TAAR1: variants seen among roughly 807,000 people sequenced by gnomAD.
TAAR1 encodes trace amine associated receptor 1.
A neutral mutation model predicts 1.2 loss-of-function variants in TAAR1; 1 was observed. The ratio of observed to expected loss-of-function variants is 0.81; its 90% CI spans 0.29 to 3.86. The LOEUF is 3.86. Ranked by LOEUF, TAAR1 falls within the 30% of genes most tolerant of loss-of-function variation. The pLI, the probability that TAAR1 is intolerant of heterozygous loss-of-function variation, is 0.18. For synonymous variants in TAAR1, 153 were observed against 132.2 expected, an observed-to-expected ratio of 1.16 and a Z score of -1.08; for missense variants, 445 against 405.6, an observed-to-expected ratio of 1.10 and a Z score of -0.83.
chr6:132,653,513 G>A (rs12665182), intron 1 of TAAR1, among the ~76,000 whole-genome samples: 3,376 of 152,246 alleles, frequency 0.022, 95 homozygotes, highest in East Asian at 0.11. Flanking sequence ...TCTTCTGTCT[G>A]GTAATTTTGC....
At chr6:132,650,786 A>G (rs538679622) in intron 1 of TAAR1, among the ~76,000 whole-genome samples, 1 of 152,256 alleles carries the variant, frequency 6.6e-6, no homozygotes, top group East Asian at 1.9e-4. Context: ...ATTCCAAGAT[A>G]TACCCTCCAA....
intron 1 of TAAR1, among the ~76,000 whole-genome samples, chr6:132,646,470 G>T (rs1777674262): frequency 6.6e-6 from 1 of 152,082 alleles, no homozygotes; most frequent in Non-Finnish European, 1.5e-5. Context: ...ATTGTAAAGG[G>T]TAGAAAGAAA....
chr6:132,650,789 C>T (rs1343639049), intron 1 of TAAR1, among the ~76,000 whole-genome samples: 2 of 152,146 alleles, frequency 1.3e-5, no homozygotes, highest in Admixed American at 1.3e-4. Context: ...CCAAGATATA[C>T]CCTCCAACTC....
chr6:132,654,074 A>G (rs1168247960), intron 1 of TAAR1, among the ~76,000 whole-genome samples: 1 of 152,228 alleles, frequency 6.6e-6, no homozygotes, highest in Non-Finnish European at 1.5e-5. Flanking sequence ...CTCTCTCTCT[A>G]CACCTGGGAT....
At chr6:132,648,774 T>C (rs1247217779) in intron 1 of TAAR1, among the ~76,000 whole-genome samples, 1 of 151,972 alleles carries the variant, frequency 6.6e-6, no homozygotes, top group East Asian at 1.9e-4. Context: ...TTGTTTCTTT[T>C]CTTTCAGCTT....
At chr6:132,658,048 T>G (rs944464160) in intron 1 of TAAR1, among the ~76,000 whole-genome samples, 1 of 152,170 alleles carries the variant, frequency 6.6e-6, no homozygotes, top group Non-Finnish European at 1.5e-5. Flanking sequence ...ATACTTTTAC[T>G]AAATTACTGA....
Position 132,644,629 on chromosome 6 carries a change from T to A in TAAR1, c.*355A>T, listed in dbSNP as rs971778335. Reference sequence around the variant, plus strand: ...ATGTATACGTATATGACAAAATCATTCTGATTTGCATCCTCAAATTCAGCC... The same window carrying A: ...ATGTATACGTATATGACAAAATCATACTGATTTGCATCCTCAAATTCAGCC... On this transcript the variant is annotated 3_prime_UTR_variant, in exon 2 of 2. Transcript: ENST00000275216. 2.5e-4 allele frequency among the ~76,000 whole-genome samples: 38 copies of A among 152,056 alleles called. No homozygotes were observed. Among genetic ancestry groups the A allele is most frequent in the African/African-American group, 8.9e-4 (37 of 41,418 alleles).
At chr6:132,654,279 G>C (rs1261971151) in intron 1 of TAAR1, among the ~76,000 whole-genome samples, 1 of 152,226 alleles carries the variant, frequency 6.6e-6, no homozygotes, top group African/African-American at 2.4e-5. Context: ...GGATGAGAGT[G>C]CTGTTGGCTG....
At chr6:132,647,362 G>GCGCA (rs1777684725) in intron 1 of TAAR1, among the ~76,000 whole-genome samples, 2 of 140,580 alleles carry the variant, frequency 1.4e-5, no homozygotes, top group African/African-American at 5.4e-5. Flanking sequence ...ACATACGCAT[G>GCGCA]CACACACACA....
Position 132,645,557 on chromosome 6 carries a change from A to G in TAAR1, c.447T>C (p.Ser149=). 1 of 1,613,660 alleles carries G rather than the reference A, an allele frequency of 6.2e-7. No homozygotes were observed. Among genetic ancestry groups the G allele is most frequent in the Non-Finnish European group, 8.5e-7 (1 of 1,179,810 alleles). Residue 149 remains serine (S), a synonymous_variant, in exon 2 of 2, where the codon AGT becomes AGC. Coordinates refer to ENST00000275216, the MANE Select transcript of TAAR1 (RefSeq NM_138327.4). The part of the protein sequence containing the change: ...VICVMIFISW[S]VPAVFAFGMI... The stretch of plus-strand genomic sequence containing the variant: ...TTCCAAATGCAAAAACAGCAGGGAC[A>G]CTCCAACTAATGAAGATCATCACAC...
rs901190441 is a variant in TAAR1 at position 132,644,076 on chromosome 6, C to A, written c.*908G>T. Among the ~76,000 whole-genome samples, 2 of 151,884 alleles carry A rather than the reference C, an allele frequency of 1.3e-5. No individual in the cohort carries two copies. The highest frequency in any genetic ancestry group is 1.3e-4 in the Admixed American group (2 of 15,212). On this transcript the variant is annotated 3_prime_UTR_variant, in exon 2 of 2. Transcript: ENST00000275216. ...CATGACTTCAGTGGCAGGTAAAAAGCAGGAATTTCATTTAATTTATATTAT... is the reference window on the plus strand; with the variant it reads ...CATGACTTCAGTGGCAGGTAAAAAGAAGGAATTTCATTTAATTTATATTAT...
At chr6:132,653,828 T>C (rs1451469239) in intron 1 of TAAR1, among the ~76,000 whole-genome samples, 2 of 152,210 alleles carry the variant, frequency 1.3e-5, no homozygotes, top group African/African-American at 2.4e-5. Flanking sequence ...AAACCTTTGG[T>C]AAACTTTTAA....
At chr6:132,649,395 A>G (rs1210391482) in intron 1 of TAAR1, among the ~76,000 whole-genome samples, 1 of 152,060 alleles carries the variant, frequency 6.6e-6, no homozygotes, top group Non-Finnish European at 1.5e-5. Flanking sequence ...GTAAGTGTCC[A>G]CTTACACTCA....
intron 1 of TAAR1, among the ~76,000 whole-genome samples, chr6:132,653,280 C>A (rs1403434566): frequency 6.6e-6 from 1 of 152,148 alleles, no homozygotes. Context: ...CCCGAATGCA[C>A]AAGCCAAATA....
At chr6:132,648,694 ATTTG>A (rs1437725083) in intron 1 of TAAR1, among the ~76,000 whole-genome samples, 2 of 152,178 alleles carry the variant, frequency 1.3e-5, no homozygotes, top group African/African-American at 4.8e-5. Context: ...GAATAGATTT[ATTTG>A]TTTAAGTGCT....
intron 1 of TAAR1, among the ~76,000 whole-genome samples, chr6:132,652,668 G>A (rs1297456342): frequency 1.4e-5 from 2 of 147,250 alleles, no homozygotes; most frequent in African/African-American, 5.1e-5. Context: ...AAAAGAAAAG[G>A]ATAGAAGAAT....
In TAAR1 at chr6:132,644,036, C is replaced by A. The variant is rs1190549857; in HGVS notation, c.*948G>T. Reference sequence around the variant, plus strand: ...ATATGACCTTAAGACATGGTAAAATCCTTCTAGACATTTTCATGACTTCAG... The same window carrying A: ...ATATGACCTTAAGACATGGTAAAATACTTCTAGACATTTTCATGACTTCAG... On this transcript the variant is annotated 3_prime_UTR_variant, in exon 2 of 2. Transcript: ENST00000275216. Among the ~76,000 whole-genome samples the A allele has an allele frequency of 6.6e-6, 1 of 151,878 alleles. No individual in the cohort carries two copies. The highest frequency in any genetic ancestry group is 2.4e-5 in the African/African-American group (1 of 41,392).
intron 1 of TAAR1, among the ~76,000 whole-genome samples, chr6:132,656,249 T>C (rs1057251918): frequency 6.6e-6 from 1 of 152,172 alleles, no homozygotes; most frequent in Non-Finnish European, 1.5e-5. Context: ...ATAAAATGCT[T>C]ATAATAGCAT....
Position 132,644,313 on chromosome 6 carries a change from T to C in TAAR1, c.*671A>G, listed in dbSNP as rs1393120198. Among the ~76,000 whole-genome samples, 1 of 151,924 alleles carries C rather than the reference T, an allele frequency of 6.6e-6. No individual in the cohort carries two copies. The highest frequency in any genetic ancestry group is 1.5e-5 in the Non-Finnish European group (1 of 67,930). On this transcript the variant is annotated 3_prime_UTR_variant, in exon 2 of 2. Coordinates refer to ENST00000275216, the MANE Select transcript of TAAR1 (RefSeq NM_138327.4). ...AGAAATATTAATATAAAATAAAGAATTTTAGATGATATAATCCTTACCAGG... is the reference window on the plus strand; with the variant it reads ...AGAAATATTAATATAAAATAAAGAACTTTAGATGATATAATCCTTACCAGG...
Sources: allele counts gnomAD v4.1 joint callset (sites outside exome capture counted in the v4.1 genomes callset), GRCh38; gene constraint gnomAD v4.1.1; transcripts MANE v1.5; gene names NCBI Gene and HGNC (gene_info 2026-07-23, HGNC 2026-07-21).